Variants in NOD2 observed in about 807,000 individuals in gnomAD.
NOD2 encodes the protein nucleotide binding oligomerization domain containing 2, also known as nucleotide-binding oligomerization domain-containing protein 2.
A neutral mutation model predicts 90.9 loss-of-function variants in NOD2; 86 were observed. The ratio of observed to expected loss-of-function variants is 0.95; its 90% CI spans 0.79 to 1.13. The LOEUF is 1.13. Among genes scored for constraint, NOD2 ranks in the 50% most tolerant of loss-of-function variants. The probability of loss-of-function intolerance (pLI) is 0.00; values close to 1 mark genes in which losing one functional copy is unlikely to be tolerated. For missense variants in NOD2, 1,238 were observed against 1,283.8 expected, an observed-to-expected ratio of 0.96 and a Z score of 0.55; for synonymous variants, 581 against 554.6, an observed-to-expected ratio of 1.05 and a Z score of -0.67.
Position 50,732,235 on chromosome 16 carries a change from G to C in NOD2, c.*416G>C. The C allele has an allele frequency of 3.1e-6, 1 of 319,180 alleles. No homozygotes were observed. Among genetic ancestry groups the C allele is most frequent in the Non-Finnish European group, 6.1e-6 (1 of 162,852 alleles). The allele number at this position is 319,180 out of a possible 1,614,324, so 19.8% of individuals were successfully genotyped here. ...CCCCTTACCACTGCTCTGATGAAGA[G>C]GAGTACACAGAACACATAATTCAGG... On this transcript the variant is annotated 3_prime_UTR_variant, in exon 12 of 12. Coordinates refer to ENST00000647318, the MANE Select transcript of NOD2 (RefSeq NM_001370466.1).
chr16:50,710,704 A>G lies in NOD2; in HGVS notation c.712A>G (p.Met238Val). ...NVLEVWADVG[M>V]AGPPQKSPAT... The stretch of plus-strand genomic sequence containing the variant: ...CCTGGAGGTCTGGGCAGATGTGGGC[A>G]TGGCTGGACCCCCGCAGAAGAGCCC... Residue 238 changes from methionine (M) to valine (V), a missense_variant, in exon 4 of 12, where the codon ATG becomes GTG. This residue lies in a region of NOD2 where 567 missense variants were observed against 577.3 expected (regional missense o/e 0.98). Transcript: ENST00000647318. 6.2e-7 allele frequency: 1 copy of G among 1,613,904 alleles called. No homozygotes were observed. The highest frequency in any genetic ancestry group is 8.5e-7 in the Non-Finnish European group (1 of 1,179,822).
rs367637762 is a variant in NOD2, at chr16:50,711,857, T to C, written c.1865T>C (p.Ile622Thr). ...PMARLLPTMC[I>T]QASEGKDSSV... ...GCCAGGCTCCTGCCCACGATGTGCA[T>C]CCAGGCCTCGGAGGGAAAGGACAGC... The change falls in exon 4 of 12, where the codon ATC becomes ACC. Residue 622 changes from isoleucine (I) to threonine (T), a missense_variant. This residue lies in a region of NOD2 where 667 missense variants were observed against 688.7 expected (regional missense o/e 0.97). Coordinates refer to ENST00000647318, the MANE Select transcript of NOD2 (RefSeq NM_001370466.1). 3.4e-5 allele frequency: 55 copies of C among 1,611,956 alleles called. No homozygotes were observed. The highest frequency in any genetic ancestry group is 4.3e-5 in the Non-Finnish European group (51 of 1,178,330).
rs142997491 is a variant in NOD2 at position 50,695,909 on chromosome 16, A to G, written c.-9+2247A>G. ...GGGGACAGCAGTACAGGCAACAGACAAGGGGGCCTGCTGTAAAGGGAGCAG... is the reference window on the plus strand; with the variant it reads ...GGGGACAGCAGTACAGGCAACAGACGAGGGGGCCTGCTGTAAAGGGAGCAG... On this transcript the variant is annotated intron_variant, in intron 1 of 11. Transcript: ENST00000647318. Among the ~76,000 whole-genome samples the G allele has an allele frequency of 8.2e-3, 1,246 of 152,262 alleles. 7 individuals carry two copies. The highest frequency in any genetic ancestry group is 0.011 in the Non-Finnish European group (728 of 68,014).
intron 10 of NOD2, among the ~76,000 whole-genome samples, chr16:50,726,665 C>T (rs1449157565): frequency 6.6e-6 from 1 of 152,182 alleles, no homozygotes; most frequent in East Asian, 1.9e-4. Context: ...CCACTTGACT[C>T]CCATGGATGC....
intron 1 of NOD2, among the ~76,000 whole-genome samples, chr16:50,694,887 C>T (rs1185778046): frequency 6.6e-6 from 1 of 152,096 alleles, no homozygotes; most frequent in South Asian, 2.1e-4. Flanking sequence ...GCGGGAAGTA[C>T]TACGAGTAAA....
rs766014518 is a variant in NOD2 at position 50,719,940 on chromosome 16, C to T, written c.2565C>T (p.Tyr855=). Residue 855 remains tyrosine (Y), a synonymous_variant, in exon 7 of 12, where the codon TAC becomes TAT. Transcript: ENST00000647318. ...TCCCTTCCAGGCTGGGGAATAACTACATCACTGCCGCGGGAGCCCAAGTGC... is the reference window on the plus strand; with the variant it reads ...TCCCTTCCAGGCTGGGGAATAACTATATCACTGCCGCGGGAGCCCAAGTGC... ...NFLALRLGNN[Y]ITAAGAQVLA... 5.0e-6 allele frequency: 8 copies of T among 1,614,068 alleles called. No homozygotes were observed. The African/African-American group carries it at 9.3e-5, about 19-fold the overall frequency.
Position 50,719,993 on chromosome 16 carries a change from C to A in NOD2, c.2618C>A (p.Ser873Tyr). Residue 873 changes from serine to tyrosine, a missense_variant, in exon 7 of 12, where the codon TCC (serine) becomes TAC (tyrosine). Ser to Tyr is a moderately radical substitution (Grantham distance 144). Coordinates refer to ENST00000647318, the MANE Select transcript of NOD2 (RefSeq NM_001370466.1). Reference sequence around the variant, plus strand: ...GCCGAGGGGCTCCGAGGCAACACCTCCTTGCAGTTCCTGGGGTAGGTTGGA... The same window carrying A: ...GCCGAGGGGCTCCGAGGCAACACCTACTTGCAGTTCCTGGGGTAGGTTGGA... ...VLAEGLRGNT[S>Y]LQFLGFWGNR... The A allele has an allele frequency of 1.9e-6, 3 of 1,614,160 alleles. No individual in the cohort carries two copies. Among genetic ancestry groups the A allele is most frequent in the Non-Finnish European group, 2.5e-6 (3 of 1,179,994 alleles).
At chr16:50,705,614 A>C (rs1964153658) in intron 2 of NOD2, among the ~76,000 whole-genome samples, 1 of 152,216 alleles carries the variant, frequency 6.6e-6, no homozygotes, top group Non-Finnish European at 1.5e-5. Flanking sequence ...TCTGTTTCAG[A>C]AACCACTTTG....
chr16:50,694,088 G>T (rs1475068727), intron 1 of NOD2, among the ~76,000 whole-genome samples: 1 of 152,112 alleles, frequency 6.6e-6, no homozygotes, highest in Non-Finnish European at 1.5e-5. Flanking sequence ...ACCAGGACCT[G>T]CGAGGCCACA....
chr16:50,712,693 A>G, intron 4 of NOD2: 1 of 409,844 alleles, frequency 2.4e-6, no homozygotes, highest in Non-Finnish European at 4.5e-6. Context: ...AGAGAAGTGA[A>G]GTAACTTGTC....
At chr16:50,696,851 C>G (rs1022972953) in intron 1 of NOD2, among the ~76,000 whole-genome samples, 1 of 152,228 alleles carries the variant, frequency 6.6e-6, no homozygotes, top group Non-Finnish European at 1.5e-5. Flanking sequence ...CCTCCCCTTC[C>G]TGGTGTCCAC....
intron 1 of NOD2, chr16:50,697,412 G>A: frequency 8.7e-7 from 1 of 1,148,544 alleles, no homozygotes; most frequent in Non-Finnish European, 1.3e-6. Flanking sequence ...CAGATGGGGA[G>A]TGCTGACTCT....
intron 3 of NOD2, among the ~76,000 whole-genome samples, chr16:50,708,269 C>T (rs555059625): frequency 2.0e-5 from 3 of 152,132 alleles, no homozygotes; most frequent in African/African-American, 2.4e-5. Flanking sequence ...TTATCTGTAC[C>T]GAAAAGATAT....
intron 6 of NOD2, among the ~76,000 whole-genome samples, chr16:50,718,380 G>T (rs965568342): frequency 2.0e-5 from 3 of 152,230 alleles, no homozygotes; most frequent in African/African-American, 4.8e-5. Flanking sequence ...TGCGCTGGAC[G>T]GGGGGCTGAT....
At chr16:50,714,429 A>G (rs537111177) in intron 4 of NOD2, among the ~76,000 whole-genome samples, 9 of 152,254 alleles carry the variant, frequency 5.9e-5, no homozygotes, top group African/African-American at 1.9e-4. Context: ...ACCCCTGGTG[A>G]TTCTGATACA....
intron 1 of NOD2, chr16:50,697,467 T>A: frequency 2.6e-6 from 2 of 779,964 alleles, no homozygotes; most frequent in Non-Finnish European, 4.4e-6. Context: ...CGGGTTTTTT[T>A]CCCCAGGACC....
In NOD2 at chr16:50,710,916, G is replaced by C. The variant is rs7498256; in HGVS notation, c.924G>C (p.Gln308His). 1 of 1,614,208 alleles carries C rather than the reference G, an allele frequency of 6.2e-7. No individual in the cohort carries two copies. The highest frequency in any genetic ancestry group is 8.5e-7 in the Non-Finnish European group (1 of 1,180,048). Residue 308 changes from glutamine to histidine, a missense_variant, in exon 4 of 12, where the codon CAG becomes CAC. Transcript: ENST00000647318. The part of the protein sequence containing the change: ...FLFVFPFSCR[Q>H]LQCMAKPLSV... ...TTGTCTTCCCATTCAGCTGCCGGCA[G>C]CTGCAGTGCATGGCCAAACCACTCT...
At chr16:50,716,701 T>A in intron 5 of NOD2, 31 bp downstream of exon 5, 1 of 1,602,016 alleles carries the variant, frequency 6.2e-7, no homozygotes, top group Non-Finnish European at 8.6e-7. Context: ...GACAATGGGC[T>A]CCAAGTGCCC....
rs201076024 is a variant in NOD2 at position 50,712,079 on chromosome 16, C to T, written c.2087C>T (p.Pro696Leu). Residue 696 changes from proline (P) to leucine (L), a missense_variant, in exon 4 of 12, where the codon CCG becomes CTG. Physicochemically the swap from Pro to Leu is moderately conservative, Grantham distance 98. Around this residue, in one of 3 missense-constraint regions of NOD2, gnomAD observed 667 missense variants for 688.7 expected, o/e 0.97. Transcript: ENST00000647318. The part of the protein sequence containing the change: ...RSLRKHFHSI[P>L]PAAPGEAKSV... Reference sequence around the variant, plus strand: ...CTCCGCAAGCACTTCCACTCCATCCCGCCAGCTGCACCGGGTGAGGCCAAG... The same window carrying T: ...CTCCGCAAGCACTTCCACTCCATCCTGCCAGCTGCACCGGGTGAGGCCAAG... 245 of 1,613,700 alleles carry T rather than the reference C, an allele frequency of 1.5e-4. No homozygotes were observed. The highest frequency in any genetic ancestry group is 5.1e-4 in the East Asian group (23 of 44,892).
Sources: allele counts gnomAD v4.1 joint callset (sites outside exome capture counted in the v4.1 genomes callset), GRCh38; gene constraint gnomAD v4.1.1; regional missense constraint gnomAD v4.1.1; transcripts MANE v1.5; gene names NCBI Gene and HGNC (gene_info 2026-07-23, HGNC 2026-07-21).